KCNT2: variants seen among roughly 807,000 people sequenced by gnomAD.
The protein encoded by KCNT2 is potassium channel subfamily T member 2.
KCNT2 carries 67 observed loss-of-function variants against 153.8 expected under a neutral mutation model. The observed-to-expected ratio is 0.44, with a 90% CI of 0.36 to 0.53. KCNT2 has a LOEUF of 0.53. KCNT2 is among the 20% of genes least tolerant of loss of function. The pLI, the probability that KCNT2 is intolerant of heterozygous loss-of-function variation, is 0.00. For synonymous variants in KCNT2, 500 were observed against 458.8 expected (o/e 1.09, Z -1.15); for missense variants, 975 against 1,354.8 (o/e 0.72, Z 4.40).
At chr1:196,287,481 C>T (rs1659773043) in intron 22 of KCNT2, among the ~76,000 whole-genome samples, 1 of 151,460 alleles carries the variant, frequency 6.6e-6, no homozygotes, top group Non-Finnish European at 1.5e-5. Flanking sequence ...ACAAACATTC[C>T]TTGGTTCAAT....
At chr1:196,548,857 A>G (rs972210478) in intron 1 of KCNT2, among the ~76,000 whole-genome samples, 1 of 152,016 alleles carries the variant, frequency 6.6e-6, no homozygotes, top group Non-Finnish European at 1.5e-5. Flanking sequence ...CCTTTGTAGG[A>G]ACATGGATGA....
intron 26 of KCNT2, among the ~76,000 whole-genome samples, chr1:196,247,958 G>C (rs1311754244): frequency 6.6e-6 from 1 of 152,050 alleles, no homozygotes; most frequent in East Asian, 1.9e-4. Flanking sequence ...TATATTCTCT[G>C]ACCACAAAGG....
At chr1:196,338,948 CAAAAAAAAAA>C (rs976388530) in intron 16 of KCNT2, among the ~76,000 whole-genome samples, 23 of 37,734 alleles carry the variant, frequency 6.1e-4, no homozygotes, top group East Asian at 4.0e-3. Flanking sequence ...TGCTTTTTAG[CAAAAAAAAAA>C]AAAAAAAAAA....
At chr1:196,244,562 A>G (rs1227463245) in intron 26 of KCNT2, among the ~76,000 whole-genome samples, 1 of 152,182 alleles carries the variant, frequency 6.6e-6, no homozygotes, top group Non-Finnish European at 1.5e-5. Flanking sequence ...GTAGCCAGGT[A>G]GTACCCAACA....
intron 5 of KCNT2, among the ~76,000 whole-genome samples, chr1:196,476,943 T>C (rs1461731952): frequency 6.6e-6 from 1 of 152,162 alleles, no homozygotes; most frequent in Non-Finnish European, 1.5e-5. Context: ...GACCTCCTAA[T>C]TTGTAAACTC....
chr1:196,339,499 A>G (rs555124964), intron 16 of KCNT2, among the ~76,000 whole-genome samples: 3 of 146,750 alleles, frequency 2.0e-5, no homozygotes, highest in Non-Finnish European at 4.5e-5. Context: ...ACACAGAGAT[A>G]TGAAGAGACA....
At chr1:196,482,574 G>T (rs920405688) in intron 3 of KCNT2, among the ~76,000 whole-genome samples, 195 bp from the exon 4 acceptor site, 10 of 151,988 alleles carry the variant, frequency 6.6e-5, no homozygotes, top group Admixed American at 5.2e-4. Flanking sequence ...AAAACTTTTT[G>T]AATTTCACTT....
chr1:196,258,490 T>C lies in KCNT2; in HGVS notation c.2915A>G (p.Gln972Arg). The C allele has an allele frequency of 6.5e-7, 1 of 1,550,034 alleles. No homozygotes were observed. Among genetic ancestry groups the C allele is most frequent in the Non-Finnish European group, 8.8e-7 (1 of 1,130,482 alleles). ...CCACTCTTCTACACTGATAGATATTTGAGACTTTAAAGGAAATAGATATTG... is the reference window on the plus strand; with the variant it reads ...CCACTCTTCTACACTGATAGATATTCGAGACTTTAAAGGAAATAGATATTG... The part of the protein sequence containing the change: ...ESQKLTTSES[Q>R]ISISVEEWED... The change falls in exon 26 of 28, where the codon CAA (glutamine) becomes CGA (arginine). Residue 972 changes from glutamine (Q) to arginine (R), a missense_variant. Around this residue, in one of 6 missense-constraint regions of KCNT2, gnomAD observed 241 missense variants for 271.1 expected, o/e 0.89. Coordinates refer to ENST00000294725, the MANE Select transcript of KCNT2 (RefSeq NM_198503.5).
intron 1 of KCNT2, among the ~76,000 whole-genome samples, chr1:196,580,806 GA>G (rs1224756161): frequency 6.6e-6 from 1 of 152,054 alleles, no homozygotes; most frequent in Non-Finnish European, 1.5e-5. Flanking sequence ...TGACTATAGA[GA>G]ATAAAAGCAG....
At chr1:196,405,601 A>T (rs1288018539) in intron 12 of KCNT2, among the ~76,000 whole-genome samples, 2 of 151,472 alleles carry the variant, frequency 1.3e-5, no homozygotes, top group Non-Finnish European at 3.0e-5. Flanking sequence ...TTACCTCTCC[A>T]TAAATTTATA....
At chr1:196,470,562 A>G (rs938148331) in intron 5 of KCNT2, among the ~76,000 whole-genome samples, 3 of 152,146 alleles carry the variant, frequency 2.0e-5, no homozygotes, top group African/African-American at 7.2e-5. Context: ...CCTCCAGGAA[A>G]TTCAAAGGCT....
chr1:196,586,728 C>A (rs1161948757), intron 1 of KCNT2, among the ~76,000 whole-genome samples: 1 of 151,608 alleles, frequency 6.6e-6, no homozygotes, highest in African/African-American at 2.4e-5. Flanking sequence ...AAAAAAACAA[C>A]AACAACAACT....
At chr1:196,499,295 C>T (rs983289678) in intron 1 of KCNT2, among the ~76,000 whole-genome samples, 1 of 151,904 alleles carries the variant, frequency 6.6e-6, no homozygotes, top group Non-Finnish European at 1.5e-5. Flanking sequence ...GTTTGTGGTG[C>T]TTCATTGTGG....
chr1:196,551,917 C>T (rs1469912692), intron 1 of KCNT2, among the ~76,000 whole-genome samples: 1 of 151,392 alleles, frequency 6.6e-6, no homozygotes, highest in Non-Finnish European at 1.5e-5. Context: ...ATTGTTGTGC[C>T]TATAACTAAA....
chr1:196,354,436 C>T (rs1667009777), intron 14 of KCNT2, among the ~76,000 whole-genome samples: 1 of 151,594 alleles, frequency 6.6e-6, no homozygotes, highest in South Asian at 2.1e-4. Flanking sequence ...ACTAAGTTAT[C>T]TTTGCATCAA....
chr1:196,442,805 C>T (rs74134327), intron 8 of KCNT2, among the ~76,000 whole-genome samples: 3,014 of 151,600 alleles, frequency 0.02, 91 homozygotes, highest in African/African-American at 0.068. Context: ...CAAATTAACA[C>T]GCTTTGCCTA....
At chr1:196,492,650 T>G (rs765887662) in intron 1 of KCNT2, among the ~76,000 whole-genome samples, 43 of 152,150 alleles carry the variant, frequency 2.8e-4, no homozygotes, top group Non-Finnish European at 6.2e-4. Context: ...GCATGGATTA[T>G]TCAAAACAGC....
At chr1:196,594,596 T>G (rs1218628543) in intron 1 of KCNT2, among the ~76,000 whole-genome samples, 1 of 152,088 alleles carries the variant, frequency 6.6e-6, no homozygotes, top group Non-Finnish European at 1.5e-5. Context: ...CTCTAGAAAG[T>G]TATGTTATAC....
intron 13 of KCNT2, among the ~76,000 whole-genome samples, chr1:196,394,940 A>G (rs1572290639): frequency 6.6e-6 from 1 of 151,092 alleles, no homozygotes; most frequent in East Asian, 2.0e-4. Context: ...TTTTGAAGAT[A>G]ACTTGTCTTA....
Sources: gnomAD v4.1 joint callset for allele counts (sites outside exome capture counted in the v4.1 genomes callset) on GRCh38, gnomAD v4.1.1 for gene constraint, gnomAD v4.1.1 regional missense constraint, MANE v1.5 for transcripts, NCBI Gene and HGNC (gene_info 2026-07-23, HGNC 2026-07-21) for gene names.